PKHD1: variants seen among roughly 807,000 people sequenced by gnomAD.
PKHD1 encodes PKHD1 ciliary IPT domain containing fibrocystin/polyductin.
Under a neutral mutation model 412.0 loss-of-function variants are expected in PKHD1, and 291 were observed. The observed-to-expected ratio is 0.71, with a 90% confidence interval of 0.64 to 0.78. The LOEUF (loss-of-function observed/expected upper bound fraction) is 0.78, where lower values mean the gene tolerates loss of function less well. PKHD1 is among the 30% of genes least tolerant of loss of function. PKHD1 has a pLI of 0.00. For synonymous variants in PKHD1, 1,777 were observed against 1,821.5 expected (o/e 0.98, Z 0.62); for missense variants, 4,825 against 4,950.7 (o/e 0.97, Z 0.76).
At chr6:52,011,276 T>C (rs1053504894) in intron 34 of PKHD1, among the ~76,000 whole-genome samples, 1 of 152,202 alleles carries the variant, frequency 6.6e-6, no homozygotes, top group Non-Finnish European at 1.5e-5. Flanking sequence ...GTGATATTTA[T>C]TCAAGAATCA....
At chr6:51,821,265 G>C (rs932574933) in intron 52 of PKHD1, among the ~76,000 whole-genome samples, 4 of 152,142 alleles carry the variant, frequency 2.6e-5, no homozygotes, top group African/African-American at 9.7e-5. Context: ...AGAATATGGG[G>C]TTGGCACAAA....
intron 36 of PKHD1, 56 bp downstream of exon 36, chr6:51,959,814 C>A: frequency 7.5e-6 from 11 of 1,473,090 alleles, no homozygotes; most frequent in Non-Finnish European, 9.5e-6. Context: ...CTCCATCCCC[C>A]CTACAAGTGA....
chr6:52,077,515 T>A (rs767621820), intron 5 of PKHD1, among the ~76,000 whole-genome samples: 4 of 152,224 alleles, frequency 2.6e-5, no homozygotes, highest in Non-Finnish European at 5.9e-5. Flanking sequence ...TTGTTTGGTC[T>A]GCTTCCAGCA....
In PKHD1 at chr6:52,025,857, T is replaced by A. The variant is rs200733734; in HGVS notation, c.3953A>T (p.His1318Leu). 71 of 1,614,174 alleles carry A rather than the reference T, an allele frequency of 4.4e-5. No homozygotes were observed. In the East Asian group the frequency reaches 1.2e-3, roughly 28 times the overall value. The change falls in exon 32 of 67, where the codon CAT (histidine) becomes CTT (leucine). Residue 1318 changes from histidine to leucine, a missense_variant. His to Leu is a moderately conservative substitution (Grantham distance 99). Transcript: ENST00000371117. ...GTTGGAGAGGTTACTTCCTCCCACA[T>A]GCAGGCTCAGGCTGCTATTTGTGAT... is the stretch of plus-strand genomic sequence containing the variant. Reference protein sequence around the residue: ...GEITNSSLSLHVGGSNLSNSV... With the variant: ...GEITNSSLSLLVGGSNLSNSV...
At chr6:52,036,205 T>C (rs953729449) in intron 27 of PKHD1, among the ~76,000 whole-genome samples, 1 of 152,216 alleles carries the variant, frequency 6.6e-6, no homozygotes, top group East Asian at 1.9e-4. Context: ...GTCAACATTT[T>C]CCTCATCTTT....
intron 65 of PKHD1, among the ~76,000 whole-genome samples, chr6:51,630,774 G>T (rs1326507967): frequency 6.6e-6 from 1 of 152,206 alleles, no homozygotes; most frequent in Non-Finnish European, 1.5e-5. Flanking sequence ...AATACAGAAG[G>T]TATAAGGAAG....
chr6:52,071,068 T>A lies in PKHD1; in HGVS notation c.605A>T (p.Tyr202Phe), dbSNP rs148653017. The change falls in exon 9 of 67, where the codon TAT becomes TTT. Residue 202 changes from tyrosine (Y) to phenylalanine (F), a missense_variant and splice_region_variant. Tyr to Phe is a conservative substitution (Grantham distance 22). Coordinates refer to ENST00000371117, the MANE Select transcript of PKHD1 (RefSeq NM_138694.4). Reference protein sequence around the residue: ...SLINRQMGSCYPIQEDHGLGT... With the variant: ...SLINRQMGSCFPIQEDHGLGT... ...AAGACCATGGTCCTCCTGAATAGGATAACTAAGGAAAAGACAAACTGAGGT... is the reference window on the plus strand; with the variant it reads ...AAGACCATGGTCCTCCTGAATAGGAAAACTAAGGAAAAGACAAACTGAGGT... The A allele has an allele frequency of 6.3e-7, 1 of 1,596,584 alleles. No individual in the cohort carries two copies. Among genetic ancestry groups the A allele is most frequent in the African/African-American group, 1.3e-5 (1 of 74,598 alleles).
At chr6:51,796,419 G>A (rs1794605417) in intron 52 of PKHD1, among the ~76,000 whole-genome samples, 1 of 124,218 alleles carries the variant, frequency 8.1e-6, no homozygotes, top group African/African-American at 2.9e-5. Flanking sequence ...CTAGCTAGCA[G>A]TCTATTTAAT....
intron 35 of PKHD1, among the ~76,000 whole-genome samples, chr6:51,977,613 C>T (rs1180585665): frequency 1.3e-5 from 2 of 152,200 alleles, no homozygotes; most frequent in African/African-American, 4.8e-5. Context: ...CTGCTGTAGT[C>T]CTTACCCCAC....
At chr6:52,031,153 C>T (rs1265913686) in intron 29 of PKHD1, among the ~76,000 whole-genome samples, 1 of 152,166 alleles carries the variant, frequency 6.6e-6, no homozygotes, top group African/African-American at 2.4e-5. Context: ...TTCATGATTA[C>T]CTTGAAAGAA....
chr6:51,997,086 G>C (rs185371726), intron 35 of PKHD1, among the ~76,000 whole-genome samples: 12 of 152,296 alleles, frequency 7.9e-5, no homozygotes, highest in Non-Finnish European at 1.3e-4. Context: ...GGGGGGTTCT[G>C]GGGAAGAAAT....
intron 55 of PKHD1, among the ~76,000 whole-genome samples, chr6:51,767,686 T>C (rs372489052): frequency 6.6e-6 from 1 of 152,158 alleles, no homozygotes; most frequent in African/African-American, 2.4e-5. Flanking sequence ...ATGGTGTATA[T>C]GTGCCACGTT....
intron 36 of PKHD1, among the ~76,000 whole-genome samples, chr6:51,937,270 T>A (rs1423733541): frequency 6.6e-6 from 1 of 152,218 alleles, no homozygotes; most frequent in Non-Finnish European, 1.5e-5. Context: ...CAAACCAATG[T>A]ACATCTTATA....
At chr6:51,842,659 A>C (rs1033238316) in intron 50 of PKHD1, among the ~76,000 whole-genome samples, 8 of 152,304 alleles carry the variant, frequency 5.3e-5, no homozygotes, top group African/African-American at 1.4e-4. Context: ...AGGAAGAAGC[A>C]TAGCCCTCCC....
At chr6:51,862,456 G>A (rs1424010230) in intron 48 of PKHD1, among the ~76,000 whole-genome samples, 1 of 152,056 alleles carries the variant, frequency 6.6e-6, no homozygotes, top group African/African-American at 2.4e-5. Context: ...GAATTTTCTT[G>A]TCTCACAGGG....
intron 47 of PKHD1, among the ~76,000 whole-genome samples, chr6:51,868,893 G>A (rs1389771830): frequency 1.3e-5 from 2 of 151,964 alleles, no homozygotes; most frequent in African/African-American, 2.4e-5. Context: ...TGCCTAAAAG[G>A]AAAGTATGGC....
At chr6:51,843,345 G>A (rs1770571048) in intron 50 of PKHD1, among the ~76,000 whole-genome samples, 1 of 152,260 alleles carries the variant, frequency 6.6e-6, no homozygotes, top group Non-Finnish European at 1.5e-5. Context: ...GAGACTCGAT[G>A]TAGGCCTCAG....
At chr6:52,015,017 A>C (rs1288770250) in intron 34 of PKHD1, among the ~76,000 whole-genome samples, 9 of 152,202 alleles carry the variant, frequency 5.9e-5, no homozygotes, top group Non-Finnish European at 1.2e-4. Flanking sequence ...CACCATCAAC[A>C]TTCTTGGATA....
At chr6:51,714,235 T>C (rs1431384376) in intron 60 of PKHD1, among the ~76,000 whole-genome samples, 2 of 152,066 alleles carry the variant, frequency 1.3e-5, no homozygotes, top group African/African-American at 4.8e-5. Flanking sequence ...CCAGGTGTGG[T>C]GGCACACGCC....
Sources: allele counts gnomAD v4.1 joint callset (sites outside exome capture counted in the v4.1 genomes callset), GRCh38; gene constraint gnomAD v4.1.1; transcripts MANE v1.5; gene names NCBI Gene and HGNC (gene_info 2026-07-23, HGNC 2026-07-21).